INTS7: variants seen among roughly 807,000 people sequenced by gnomAD.
INTS7 encodes integrator complex subunit 7.
In INTS7, 46 loss-of-function variants were observed where a neutral mutation model predicts 109.2. The observed-to-expected ratio is 0.42, with a 90% CI of 0.33 to 0.54. The LOEUF (loss-of-function observed/expected upper bound fraction) is 0.54. Ranked by LOEUF, INTS7 falls within the 20% of genes least tolerant of loss-of-function variation. The pLI is 0.07. For missense variants in INTS7, 929 were observed against 1,132.4 expected (o/e 0.82, Z 2.58); for synonymous variants, 412 against 402.9 (o/e 1.02, Z -0.27).
intron 16 of INTS7, among the ~76,000 whole-genome samples, chr1:211,954,215 T>C (rs1222820297): frequency 6.6e-6 from 1 of 152,242 alleles, no homozygotes; most frequent in South Asian, 2.1e-4. Context: ...GAAGTGTCTG[T>C]TCATGTCCTT....
intron 7 of INTS7, among the ~76,000 whole-genome samples, chr1:211,988,289 G>GT (rs1664987913): frequency 1.3e-5 from 2 of 151,762 alleles, no homozygotes; most frequent in Admixed American, 6.6e-5. Flanking sequence ...GGGTATGGTG[G>GT]TACGTGCCTG....
At chr1:211,958,901 C>T (rs1663483431) in intron 16 of INTS7, among the ~76,000 whole-genome samples, 1 of 152,158 alleles carries the variant, frequency 6.6e-6, no homozygotes, top group South Asian at 2.1e-4. Context: ...TGGTCCTCTC[C>T]TAACAGATCT....
At chr1:211,999,973 C>T (rs1037571847) in intron 7 of INTS7, among the ~76,000 whole-genome samples, 1 of 152,078 alleles carries the variant, frequency 6.6e-6, no homozygotes, top group Non-Finnish European at 1.5e-5. Flanking sequence ...AGCAGGGTGG[C>T]TCATGCCTGT....
intron 3 of INTS7, among the ~76,000 whole-genome samples, chr1:212,019,264 A>G (rs1220091165): frequency 6.6e-6 from 1 of 152,190 alleles, no homozygotes; most frequent in Admixed American, 6.5e-5. Flanking sequence ...AAATAAATTA[A>G]TTAATTAATT....
At chr1:212,011,657 T>C (rs1365866786) in intron 4 of INTS7, 1 of 439,872 alleles carries the variant, frequency 2.3e-6, no homozygotes, top group Non-Finnish European at 4.1e-6. Context: ...CTTAGGCCAT[T>C]ACCACAATAC....
chr1:211,988,036 T>G, intron 7 of INTS7, 33 bp from the exon 8 acceptor site: 4 of 1,038,082 alleles, frequency 3.9e-6, no homozygotes, highest in Middle Eastern at 2.0e-4. Context: ...ATATAGAAGT[T>G]AAAACATCAA....
rs551260592 is a variant in INTS7, at chr1:212,026,729, G to T, written c.95-5517C>A. ...GGGTTGAAAAAATCCACAGTAATTG[G>T]ATTGTTTCATTTTCTTCTCACTGTC... On this transcript the variant is annotated intron_variant, in intron 1 of 19. Coordinates refer to ENST00000366994, the MANE Select transcript of INTS7 (RefSeq NM_015434.4). Among the ~76,000 whole-genome samples, 37 of 152,270 alleles carry T rather than the reference G, an allele frequency of 2.4e-4. 1 individual carries two copies. Among genetic ancestry groups the T allele is most frequent in the African/African-American group, 7.2e-4 (30 of 41,540 alleles).
In INTS7 at chr1:212,035,439, AC is replaced by A; in HGVS notation, c.-3del. ...AGACTTAGTTGAGTTTGACGCCATG[AC>A]CCGAATAGTTACTCGACTAGCCTAG... On this transcript the variant is annotated 5_prime_UTR_variant, in exon 1 of 20. Transcript: ENST00000366994. 8 of 1,609,542 alleles carry A rather than the reference AC, an allele frequency of 5.0e-6. No individual in the cohort carries two copies. The highest frequency in any genetic ancestry group is 5.1e-6 in the Non-Finnish European group (6 of 1,175,852).
chr1:212,031,885 T>C lies in INTS7; in HGVS notation c.94+3459A>G, dbSNP rs570726522. 2.0e-5 allele frequency among the ~76,000 whole-genome samples: 3 copies of C among 152,320 alleles called. No individual in the cohort carries two copies. The East Asian group carries it at 5.8e-4, about 29-fold the overall frequency. ...GAATAAAGTACAACAGTTATAAATATATAACAGGTTATGAATGGCAGCATT... is the reference window on the plus strand; with the variant it reads ...GAATAAAGTACAACAGTTATAAATACATAACAGGTTATGAATGGCAGCATT... On this transcript the variant is annotated intron_variant, in intron 1 of 19. Transcript: ENST00000366994.
chr1:212,008,149 G>C (rs187585958), intron 5 of INTS7, among the ~76,000 whole-genome samples: 2 of 152,148 alleles, frequency 1.3e-5, no homozygotes, highest in Non-Finnish European at 1.5e-5. Flanking sequence ...GGGTATGAAC[G>C]TAAGACAGCA....
chr1:211,955,870 C>G (rs563767922), intron 16 of INTS7, among the ~76,000 whole-genome samples: 1 of 152,302 alleles, frequency 6.6e-6, no homozygotes, highest in East Asian at 1.9e-4. Context: ...AGTTCTGTTT[C>G]CTGTTCTGTA....
At chr1:211,974,585 A>T (rs1664335982) in intron 13 of INTS7, among the ~76,000 whole-genome samples, 1 of 152,206 alleles carries the variant, frequency 6.6e-6, no homozygotes, top group East Asian at 1.9e-4. Flanking sequence ...AATACAAAAA[A>T]TGCTGATTTT....
chr1:211,961,788 T>G (rs1663644915), intron 16 of INTS7, among the ~76,000 whole-genome samples: 1 of 152,126 alleles, frequency 6.6e-6, no homozygotes, highest in African/African-American at 2.4e-5. Context: ...CAAACTAAGC[T>G]TCATGAGTGA....
At chr1:211,965,389 T>C (rs1195691202) in intron 16 of INTS7, among the ~76,000 whole-genome samples, 1 of 152,140 alleles carries the variant, frequency 6.6e-6, no homozygotes, top group Non-Finnish European at 1.5e-5. Context: ...AGCACTGTGG[T>C]GATTCCTCAA....
At chr1:212,000,446 TAGAAAG>T (rs139112290) in intron 7 of INTS7, among the ~76,000 whole-genome samples, 2,159 of 152,284 alleles carry the variant, frequency 0.014, 22 homozygotes, top group South Asian at 0.033. Flanking sequence ...CTCCAGAGTA[TAGAAAG>T]AGAAACTTCC....
chr1:211,969,960 G>A (rs1385055509), intron 13 of INTS7, among the ~76,000 whole-genome samples: 1 of 151,658 alleles, frequency 6.6e-6, no homozygotes, highest in Non-Finnish European at 1.5e-5. Context: ...CCTCATGATC[G>A]GCCTGCCTCA....
chr1:211,972,886 C>A (rs1191230716), intron 13 of INTS7, among the ~76,000 whole-genome samples: 1 of 152,184 alleles, frequency 6.6e-6, no homozygotes, highest in African/African-American at 2.4e-5. Context: ...CTGAGACTGG[C>A]CCTCACAGAC....
At chr1:212,015,644 A>G (rs1666396083) in intron 4 of INTS7, among the ~76,000 whole-genome samples, 1 of 132,466 alleles carries the variant, frequency 7.5e-6, no homozygotes, top group Admixed American at 9.3e-5. Context: ...CCTTCCCTCC[A>G]CTATTGTCCT....
intron 4 of INTS7, among the ~76,000 whole-genome samples, chr1:212,014,190 C>A (rs535048963): frequency 6.6e-6 from 1 of 151,992 alleles, no homozygotes; most frequent in South Asian, 2.1e-4. Context: ...AGGGGCCGGG[C>A]ACACTGGCTC....
Sources: gnomAD v4.1 joint callset for allele counts (sites outside exome capture counted in the v4.1 genomes callset) on GRCh38, gnomAD v4.1.1 for gene constraint, MANE v1.5 for transcripts, NCBI Gene and HGNC (gene_info 2026-07-23, HGNC 2026-07-21) for gene names.